SNX13: variants seen among roughly 807,000 people sequenced by gnomAD.
The protein encoded by SNX13 is sorting nexin 13, also known as sorting nexin-13.
Under a neutral mutation model 133.6 loss-of-function variants are expected in SNX13, and 45 were observed. That is an observed-to-expected ratio of 0.34 (90% CI 0.27 to 0.43). The LOEUF is 0.43. SNX13 is among the 20% of genes least tolerant of loss of function. The pLI is 1.00. For synonymous variants in SNX13, 414 were observed against 373.9 expected (o/e 1.11, Z -1.24); for missense variants, 1,032 against 1,145.1 (o/e 0.90, Z 1.43).
intron 7 of SNX13, 63 bp downstream of exon 7, chr7:17,875,417 C>A: frequency 7.4e-7 from 1 of 1,344,784 alleles, no homozygotes. Context: ...GATTTTTTCA[C>A]TGGTTCTGCT....
At chr7:17,836,399 C>G (rs1236856269) in intron 13 of SNX13, among the ~76,000 whole-genome samples, 1 of 151,976 alleles carries the variant, frequency 6.6e-6, no homozygotes, top group East Asian at 1.9e-4. Flanking sequence ...TGCCTACAAT[C>G]CCACCTACTC....
At chr7:17,894,258 G>A (rs1229970646) in intron 2 of SNX13, among the ~76,000 whole-genome samples, 1 of 151,216 alleles carries the variant, frequency 6.6e-6, no homozygotes, top group African/African-American at 2.4e-5. Flanking sequence ...AGCCGAGATC[G>A]CGCCACTGCA....
chr7:17,798,526 A>C (rs1435062417), intron 24 of SNX13, among the ~76,000 whole-genome samples, 164 bp downstream of exon 24: 2 of 151,922 alleles, frequency 1.3e-5, no homozygotes, highest in African/African-American at 4.8e-5. Flanking sequence ...CAATAGGTTC[A>C]TAAGACAAAT....
chr7:17,844,696 C>A (rs1191290469), intron 12 of SNX13, among the ~76,000 whole-genome samples: 2 of 151,600 alleles, frequency 1.3e-5, no homozygotes, highest in East Asian at 1.9e-4. Context: ...AAATTATACA[C>A]CATGACTAAG....
At chr7:17,868,808 G>A (rs536704945) in intron 8 of SNX13, among the ~76,000 whole-genome samples, 2 of 151,958 alleles carry the variant, frequency 1.3e-5, no homozygotes, top group Non-Finnish European at 1.5e-5. Flanking sequence ...CAGTGTTTAT[G>A]GATTCATTTA....
intron 18 of SNX13, among the ~76,000 whole-genome samples, chr7:17,821,133 A>G (rs1332006700): frequency 6.6e-6 from 1 of 152,202 alleles, no homozygotes; most frequent in African/African-American, 2.4e-5. Flanking sequence ...TTCTAGGTTT[A>G]AATTATGCCT....
chr7:17,875,002 T>A (rs1241119503), intron 7 of SNX13, among the ~76,000 whole-genome samples: 1 of 151,900 alleles, frequency 6.6e-6, no homozygotes, highest in Non-Finnish European at 1.5e-5. Context: ...AAAAGTAGAT[T>A]GATAATTTCT....
At chr7:17,831,547 A>G in intron 15 of SNX13, 1 of 984,364 alleles carries the variant, frequency 1.0e-6, no homozygotes, top group African/African-American at 1.7e-5. Flanking sequence ...TAGGAATGAA[A>G]TTTCTACTCA....
chr7:17,896,264 G>A (rs1055040797), intron 2 of SNX13, among the ~76,000 whole-genome samples: 2 of 152,084 alleles, frequency 1.3e-5, no homozygotes, highest in Non-Finnish European at 2.9e-5. Flanking sequence ...ACACAGTATC[G>A]TATCTAGGCC....
intron 5 of SNX13, chr7:17,881,672 T>C (rs1469696340): frequency 1.3e-5 from 2 of 152,114 alleles, no homozygotes; most frequent in Non-Finnish European, 2.9e-5. Context: ...TTCCTTCTCC[T>C]GAGTCTCTGA....
At position 17,893,554 on chromosome 7, in the gene SNX13, T is replaced by C. The variant is rs189819347; in HGVS notation, c.126-120A>G. The C allele has an allele frequency of 7.0e-5, 45 of 643,750 alleles. No individual in the cohort carries two copies. The Admixed American group carries it at 8.4e-4, about 12-fold the overall frequency. The allele number at this position is 643,750 out of a possible 1,614,324, so 39.9% of individuals were successfully genotyped here. A position where few individuals can be genotyped will look rare whatever the true frequency, so the allele number is the denominator to read the frequency against. ...GCTTATCATTTACTAAAAAGTCAAT[T>C]TGTGACTTTGGCAAAGCAAGAAATT... On this transcript the variant is annotated intron_variant, in intron 2 of 25. Coordinates refer to ENST00000428135, the MANE Select transcript of SNX13 (RefSeq NM_015132.5).
intron 5 of SNX13, among the ~76,000 whole-genome samples, chr7:17,877,796 TA>T (rs1370587306): frequency 6.6e-5 from 10 of 151,932 alleles, no homozygotes; most frequent in African/African-American, 1.9e-4. Context: ...ATGTTGAGGG[TA>T]GGAAAAATAG....
rs571076424 is a variant in SNX13, at chr7:17,925,621, G to T, written c.12+14663C>A. Among the ~76,000 whole-genome samples, 350 of 152,208 alleles carry T rather than the reference G, an allele frequency of 2.3e-3. 2 individuals carry two copies. The highest frequency in any genetic ancestry group is 4.2e-3 in the Non-Finnish European group (285 of 68,008). On this transcript the variant is annotated intron_variant, in intron 1 of 25. Coordinates refer to ENST00000428135, the MANE Select transcript of SNX13 (RefSeq NM_015132.5). ...TCTAGTGCAGTGGTTCTCAGCCAAGGGCAATTTTGCTCCCCATGAGACACT... is the reference window on the plus strand; with the variant it reads ...TCTAGTGCAGTGGTTCTCAGCCAAGTGCAATTTTGCTCCCCATGAGACACT...
At chr7:17,861,674 A>C (rs1792719764) in intron 9 of SNX13, among the ~76,000 whole-genome samples, 1 of 152,134 alleles carries the variant, frequency 6.6e-6, no homozygotes, top group South Asian at 2.1e-4. Context: ...CAACTTCCTA[A>C]ACACACTGTG....
chr7:17,850,717 A>C, intron 10 of SNX13, 109 bp downstream of exon 10: 2 of 886,340 alleles, frequency 2.3e-6, no homozygotes, highest in Non-Finnish European at 3.2e-6. Flanking sequence ...AGATTTAATT[A>C]AGGTGAAAAC....
At chr7:17,933,729 A>G (rs777850251) in intron 1 of SNX13, among the ~76,000 whole-genome samples, 6 of 151,102 alleles carry the variant, frequency 4.0e-5, no homozygotes, top group Non-Finnish European at 7.4e-5. Flanking sequence ...CCACCTATCC[A>G]CCAAGAAAAT....
At chr7:17,866,618 G>A (rs1282384977) in intron 9 of SNX13, among the ~76,000 whole-genome samples, 2 of 152,146 alleles carry the variant, frequency 1.3e-5, no homozygotes, top group African/African-American at 4.8e-5. Context: ...AATTAACCAT[G>A]CACAGCAGGC....
In SNX13 at chr7:17,793,121, C is replaced by T. The variant is rs1222649178; in HGVS notation, c.*924G>A. On this transcript the variant is annotated 3_prime_UTR_variant, in exon 26 of 26. Coordinates refer to ENST00000428135, the MANE Select transcript of SNX13 (RefSeq NM_015132.5). Reference sequence around the variant, plus strand: ...TTACCTAAGGCATGTCTAGATCACACAATTAAAAATTATCATATGGTAACT... The same window carrying T: ...TTACCTAAGGCATGTCTAGATCACATAATTAAAAATTATCATATGGTAACT... The T allele has an allele frequency of 6.6e-6, 1 of 152,134 alleles. No homozygotes were observed. The highest frequency in any genetic ancestry group is 1.5e-5 in the Non-Finnish European group (1 of 67,802). 9.4% of individuals were successfully genotyped at this position (152,134 alleles called of 1,614,324 possible). A position where few individuals can be genotyped will look rare whatever the true frequency, so the allele number is the denominator to read the frequency against.
chr7:17,850,102 A>G (rs895540338), intron 11 of SNX13, among the ~76,000 whole-genome samples: 2 of 152,232 alleles, frequency 1.3e-5, no homozygotes, highest in Non-Finnish European at 2.9e-5. Context: ...AAATGTATAA[A>G]TAAATCAAGG....
Sources: gnomAD v4.1 joint callset for allele counts (sites outside exome capture counted in the v4.1 genomes callset) on GRCh38, gnomAD v4.1.1 for gene constraint, MANE v1.5 for transcripts, NCBI Gene and HGNC (gene_info 2026-07-23, HGNC 2026-07-21) for gene names.